Variants in LNP1 observed in about 807,000 individuals in gnomAD.
The protein encoded by LNP1 is leukemia NUP98 fusion partner 1.
Under a neutral mutation model 14.5 loss-of-function variants are expected in LNP1, and 12 were observed. That is an observed-to-expected ratio of 0.83 (90% CI 0.53 to 1.34). The LOEUF is 1.34. LNP1 is among the 40% of genes most tolerant of loss of function. The probability of loss-of-function intolerance (pLI) is 0.00; values close to 1 mark genes in which losing one functional copy is unlikely to be tolerated. For synonymous variants in LNP1, 75 were observed against 71.4 expected, an observed-to-expected ratio of 1.05 and a Z score of -0.26; for missense variants, 198 against 210.9, an observed-to-expected ratio of 0.94 and a Z score of 0.38.
chr3:100,447,004 G>C (rs1042272280), intron 2 of LNP1, among the ~76,000 whole-genome samples: 1 of 152,060 alleles, frequency 6.6e-6, no homozygotes, highest in African/African-American at 2.4e-5. Context: ...GTTGGTGGGA[G>C]TGTAAATTAG....
intron 1 of LNP1, among the ~76,000 whole-genome samples, chr3:100,423,597 T>C (rs1286987186): frequency 6.6e-6 from 1 of 152,208 alleles, no homozygotes; most frequent in African/African-American, 2.4e-5. Context: ...TTTCACTGAT[T>C]ACCTGGGCAC....
chr3:100,424,385 A>G (rs1188975671), intron 1 of LNP1, among the ~76,000 whole-genome samples: 3 of 152,240 alleles, frequency 2.0e-5, no homozygotes, highest in African/African-American at 7.2e-5. Flanking sequence ...TAAAAGTTGC[A>G]TAGGGAAAGT....
chr3:100,441,395 TA>T (rs1707342814), intron 2 of LNP1, among the ~76,000 whole-genome samples: 1 of 152,176 alleles, frequency 6.6e-6, no homozygotes, highest in Admixed American at 6.5e-5. Context: ...GCAAATGTCA[TA>T]ATTATTTCAA....
At chr3:100,435,630 A>G (rs548476690) in intron 2 of LNP1, among the ~76,000 whole-genome samples, 67 of 152,340 alleles carry the variant, frequency 4.4e-4, no homozygotes, top group Non-Finnish European at 7.8e-4. Context: ...CATAGCCTCC[A>G]GAAAGACTGG....
chr3:100,455,765 T>C lies in LNP1; in HGVS notation c.388-12T>C. ...TGTGCATTTTTACCTGTTTCTGATC[T>C]TTCCCTTTCAGGGACCTGAAAGCAG... On this transcript the variant is annotated splice_polypyrimidine_tract_variant and intron_variant, in intron 3 of 3. Coordinates refer to ENST00000383693, the MANE Select transcript of LNP1 (RefSeq NM_001085451.2). 6.2e-7 allele frequency: 1 copy of C among 1,613,462 alleles called. No homozygotes were observed. Among genetic ancestry groups the C allele is most frequent in the Non-Finnish European group, 8.5e-7 (1 of 1,179,672 alleles).
chr3:100,423,148 A>C (rs1370763681), intron 1 of LNP1, among the ~76,000 whole-genome samples: 1 of 152,072 alleles, frequency 6.6e-6, no homozygotes, highest in Non-Finnish European at 1.5e-5. Context: ...ACTCAAAACC[A>C]CTGATGTATT....
chr3:100,454,980 G>A (rs1707496506), intron 3 of LNP1, among the ~76,000 whole-genome samples: 1 of 152,164 alleles, frequency 6.6e-6, no homozygotes, highest in Non-Finnish European at 1.5e-5. Flanking sequence ...AGGATAAATA[G>A]ATACGGTGGC....
chr3:100,442,852 G>T (rs986044313), intron 2 of LNP1, among the ~76,000 whole-genome samples: 5 of 152,172 alleles, frequency 3.3e-5, no homozygotes, highest in African/African-American at 1.2e-4. Flanking sequence ...ATCTCTCACA[G>T]ATAGGATGGT....
chr3:100,410,507 A>G (rs1707022303), intron 1 of LNP1, among the ~76,000 whole-genome samples: 1 of 152,196 alleles, frequency 6.6e-6, no homozygotes, highest in South Asian at 2.1e-4. Flanking sequence ...ATCTAAGTAA[A>G]GTATCAAAGG....
chr3:100,439,902 A>C (rs1205898354), intron 2 of LNP1, among the ~76,000 whole-genome samples: 2 of 152,258 alleles, frequency 1.3e-5, no homozygotes, highest in East Asian at 3.9e-4. Context: ...ATTTGAGAGT[A>C]AGTTTCTAGG....
intron 1 of LNP1, among the ~76,000 whole-genome samples, chr3:100,404,790 C>CGTTTTTTTTTTTTTTTT (rs1559838210): frequency 8.8e-6 from 1 of 113,138 alleles, no homozygotes; most frequent in African/African-American, 5.1e-5. Flanking sequence ...TTTGTGTTAT[C>CGTTTTTTTTTTTTTTTT]CTTTTTTTTT....
intron 1 of LNP1, among the ~76,000 whole-genome samples, chr3:100,418,633 A>C (rs1257894911): frequency 6.6e-6 from 1 of 152,164 alleles, no homozygotes; most frequent in Non-Finnish European, 1.5e-5. Flanking sequence ...TATAGTGTTT[A>C]CAAATATGGC....
At position 100,402,245 on chromosome 3, in the gene LNP1, T is replaced by C. The variant is rs1476095462; in HGVS notation, c.-228T>C. The C allele has an allele frequency of 6.6e-6, 1 of 152,270 alleles. No individual in the cohort carries two copies. Among genetic ancestry groups the C allele is most frequent in the East Asian group, 1.9e-4 (1 of 5,208 alleles). 9.4% of individuals were successfully genotyped at this position (152,270 alleles called of 1,614,324 possible). A position where few individuals can be genotyped will look rare whatever the true frequency, so the allele number is the denominator to read the frequency against. On this transcript the variant is annotated 5_prime_UTR_variant, in exon 1 of 4. Transcript: ENST00000383693. ...GTCCAGAACTATGGTTCTCCATTTCTGGTATACTGGTTTGCAGAAGCCTTA... is the reference window on the plus strand; with the variant it reads ...GTCCAGAACTATGGTTCTCCATTTCCGGTATACTGGTTTGCAGAAGCCTTA...
At chr3:100,426,030 G>A (rs542985972) in intron 1 of LNP1, among the ~76,000 whole-genome samples, 32 of 152,320 alleles carry the variant, frequency 2.1e-4, no homozygotes, top group African/African-American at 7.5e-4. Flanking sequence ...AAGGGGTCAA[G>A]AGCCCTATCT....
At chr3:100,402,694 G>A (rs769459895) in intron 1 of LNP1, among the ~76,000 whole-genome samples, 5 of 151,154 alleles carry the variant, frequency 3.3e-5, no homozygotes, top group Non-Finnish European at 5.9e-5. Context: ...TTGGAGGATT[G>A]TAGAGTGCTA....
intron 1 of LNP1, among the ~76,000 whole-genome samples, chr3:100,420,706 A>C (rs1576228626): frequency 6.6e-6 from 1 of 152,316 alleles, no homozygotes; most frequent in South Asian, 2.1e-4. Flanking sequence ...CCTGTGTCAG[A>C]TACATGGTTT....
chr3:100,448,955 T>A (rs1430171138), intron 2 of LNP1, among the ~76,000 whole-genome samples: 1 of 152,160 alleles, frequency 6.6e-6, no homozygotes, highest in Non-Finnish European at 1.5e-5. Flanking sequence ...AATTTGCATA[T>A]TAAAGGAAAC....
At chr3:100,441,177 A>AGCAG (rs1707340439) in intron 2 of LNP1, among the ~76,000 whole-genome samples, 1 of 152,240 alleles carries the variant, frequency 6.6e-6, no homozygotes, top group South Asian at 2.1e-4. Context: ...TCAAAGGGAA[A>AGCAG]GCAGGAAGGT....
intron 1 of LNP1, among the ~76,000 whole-genome samples, chr3:100,422,182 CTTTT>C (rs35862297): frequency 1.9e-4 from 19 of 101,614 alleles, no homozygotes; most frequent in Admixed American, 3.0e-4. Context: ...TTGATAAAGT[CTTTT>C]TTTTTTTTTT....
Sources: gnomAD v4.1 joint callset for allele counts (sites outside exome capture counted in the v4.1 genomes callset) on GRCh38, gnomAD v4.1.1 for gene constraint, MANE v1.5 for transcripts, NCBI Gene and HGNC (gene_info 2026-07-23, HGNC 2026-07-21) for gene names.